Variants in CCDC102B observed in about 807,000 individuals in gnomAD.
The protein encoded by CCDC102B is coiled-coil domain-containing protein 102B.
Under a neutral mutation model 57.4 loss-of-function variants are expected in CCDC102B, and 75 were observed. That is an observed-to-expected ratio of 1.31 (90% CI 1.08 to 1.58). The LOEUF (loss-of-function observed/expected upper bound fraction) is 1.58. Ranked by LOEUF, CCDC102B falls within the 40% of genes most tolerant of loss-of-function variation. CCDC102B has a pLI of 0.00. For missense variants in CCDC102B, 636 were observed against 582.6 expected (o/e 1.09, Z -0.94); for synonymous variants, 206 against 201.9 (o/e 1.02, Z -0.17).
At chr18:68,784,630 T>A (rs1409986896) in intron 2 of CCDC102B, among the ~76,000 whole-genome samples, 1 of 152,192 alleles carries the variant, frequency 6.6e-6, no homozygotes, top group African/African-American at 2.4e-5. Flanking sequence ...CACTCAATCA[T>A]TATTTATATA....
At chr18:68,794,642 T>C (rs1294434725), upstream of CCDC102B, among the ~76,000 whole-genome samples, 1 of 152,102 alleles carries the variant, frequency 6.6e-6, no homozygotes, top group Admixed American at 6.6e-5. Context: ...CAACAAATTT[T>C]GGAAACCTCA....
chr18:68,758,280 GTATA>G (rs995956454), intron 2 of CCDC102B, among the ~76,000 whole-genome samples: 1 of 151,272 alleles, frequency 6.6e-6, no homozygotes, highest in South Asian at 2.1e-4. Context: ...TATCACATAT[GTATA>G]TATATGTTAT....
At chr18:68,945,347 C>T (rs994391208) in intron 6 of CCDC102B, among the ~76,000 whole-genome samples, 1 of 152,042 alleles carries the variant, frequency 6.6e-6, no homozygotes, top group African/African-American at 2.4e-5. Flanking sequence ...ATAAATCTGT[C>T]AGTGTAACCA....
intron 2 of CCDC102B, among the ~76,000 whole-genome samples, chr18:68,756,341 C>T (rs1395039277): frequency 1.3e-5 from 2 of 152,042 alleles, no homozygotes. Context: ...CTGAACTATT[C>T]TATCAATACA....
intron 6 of CCDC102B, among the ~76,000 whole-genome samples, chr18:68,996,447 C>T (rs1022016969): frequency 7.2e-5 from 11 of 152,164 alleles, no homozygotes; most frequent in African/African-American, 2.4e-4. Flanking sequence ...GACAGACGGC[C>T]TATTGGGGGA....
intron 7 of CCDC102B, among the ~76,000 whole-genome samples, chr18:69,049,324 A>C (rs1052172200): frequency 3.3e-5 from 5 of 152,038 alleles, no homozygotes; most frequent in African/African-American, 1.2e-4. Context: ...GTTTGCTGAG[A>C]ATGATGGTTT....
chr18:68,826,618 G>A (rs902138739), intron 1 of CCDC102B, among the ~76,000 whole-genome samples: 1 of 151,946 alleles, frequency 6.6e-6, no homozygotes, highest in Non-Finnish European at 1.5e-5. Flanking sequence ...ATAAGTGAGG[G>A]ACATTTTAGA....
At chr18:68,755,352 G>A (rs369400944) in intron 2 of CCDC102B, among the ~76,000 whole-genome samples, 2 of 152,188 alleles carry the variant, frequency 1.3e-5, no homozygotes, top group Middle Eastern at 3.4e-3. Context: ...GACAGGCCCC[G>A]CTGTGGCTGA....
intron 4 of CCDC102B, among the ~76,000 whole-genome samples, chr18:68,847,612 T>C (rs2037931667): frequency 6.6e-6 from 1 of 151,884 alleles, no homozygotes; most frequent in Non-Finnish European, 1.5e-5. Flanking sequence ...TATTCAAATA[T>C]GACTTTTGGT....
Position 69,010,962 on chromosome 18 carries a change from A to C in CCDC102B, c.1292A>C (p.Tyr431Ser), listed in dbSNP as rs1336776002. 1.2e-6 allele frequency: 2 copies of C among 1,608,760 alleles called. No individual in the cohort carries two copies. The highest frequency in any genetic ancestry group is 1.7e-5 in the Admixed American group (1 of 59,770). ...TTACTGAACCTTCAACATGCCTACT[A>C]TAAACTAAACAGACAATACCAGGCA... ...QELLNLQHAY[Y>S]KLNRQYQANI... Residue 431 changes from tyrosine (Y) to serine (S), a missense_variant, in exon 7 of 8, where the codon TAT becomes TCT. By Grantham distance (144) the Tyr-to-Ser change is moderately radical. Coordinates refer to ENST00000360242, the MANE Select transcript of CCDC102B (RefSeq NM_024781.3).
chr18:68,748,218 G>A (rs398041141), intron 2 of CCDC102B, among the ~76,000 whole-genome samples: 32,327 of 136,850 alleles, frequency 0.24, 4,273 homozygotes, highest in Non-Finnish European at 0.31. Context: ...GTGTGTGTGT[G>A]TGTGTGTGTG....
intron 6 of CCDC102B, among the ~76,000 whole-genome samples, chr18:68,923,893 C>A (rs1013701584): frequency 6.6e-6 from 1 of 151,982 alleles, no homozygotes; most frequent in Non-Finnish European, 1.5e-5. Flanking sequence ...TTTTAAATTA[C>A]CAACTATGCA....
intron 2 of CCDC102B, among the ~76,000 whole-genome samples, chr18:68,782,035 A>G (rs1316003202): frequency 6.6e-6 from 1 of 152,084 alleles, no homozygotes. Flanking sequence ...AAATTTTCTG[A>G]TTTCAGTGAA....
At chr18:68,841,725 T>C (rs1351313012) in intron 3 of CCDC102B, among the ~76,000 whole-genome samples, 1 of 152,064 alleles carries the variant, frequency 6.6e-6, no homozygotes, top group East Asian at 1.9e-4. Flanking sequence ...TTTATCATTT[T>C]ATCTTTTTTT....
intron 1 of CCDC102B, among the ~76,000 whole-genome samples, chr18:68,835,676 G>A: frequency 6.6e-6 from 1 of 152,150 alleles, no homozygotes; most frequent in East Asian, 1.9e-4. Flanking sequence ...AGGATTCAGA[G>A]GTATGCATTC....
intron 6 of CCDC102B, among the ~76,000 whole-genome samples, chr18:68,970,257 C>T (rs2050267362): frequency 6.6e-6 from 1 of 151,828 alleles, no homozygotes; most frequent in Non-Finnish European, 1.5e-5. Context: ...ACATGTATTT[C>T]CTACTGGAAG....
chr18:68,735,374 A>G (rs958260997), intron 2 of CCDC102B, among the ~76,000 whole-genome samples: 1 of 152,112 alleles, frequency 6.6e-6, no homozygotes, highest in Non-Finnish European at 1.5e-5. Flanking sequence ...CAACATTTTA[A>G]AAGGACATTT....
chr18:69,046,412 T>C (rs1232970419), intron 7 of CCDC102B, among the ~76,000 whole-genome samples: 1 of 152,194 alleles, frequency 6.6e-6, no homozygotes, highest in Non-Finnish European at 1.5e-5. Flanking sequence ...GAACTGTCTG[T>C]TCATATCCTC....
chr18:68,829,963 T>C (rs1055905936), intron 1 of CCDC102B, among the ~76,000 whole-genome samples: 2 of 151,976 alleles, frequency 1.3e-5, no homozygotes, highest in African/African-American at 4.8e-5. Context: ...ATCTTGATGA[T>C]ACAACCGTCC....
Sources: allele counts gnomAD v4.1 joint callset (sites outside exome capture counted in the v4.1 genomes callset), GRCh38; gene constraint gnomAD v4.1.1; transcripts MANE v1.5; gene names NCBI Gene and HGNC (gene_info 2026-07-23, HGNC 2026-07-21).